Variants in COL4A6 observed in about 807,000 individuals in gnomAD.
COL4A6 encodes collagen alpha-6(IV) chain.
COL4A6 carries 59 observed loss-of-function variants against 126.7 expected under a neutral mutation model. That is an observed-to-expected ratio of 0.47 (90% CI 0.38 to 0.58). The LOEUF is 0.58. Among genes scored for constraint, COL4A6 ranks in the 20% least tolerant of loss-of-function variants. The pLI is 0.00. For missense variants in COL4A6, 1,285 were observed against 1,337.3 expected (o/e 0.96, Z 0.61); for synonymous variants, 547 against 496.6 (o/e 1.10, Z -1.35).
At chrX:108,343,157 ATATATATAGTGTGT>A (rs2039614475) in intron 2 of COL4A6, among the ~76,000 whole-genome samples, 1 of 73,870 alleles carries the variant, frequency 1.4e-5, no homozygotes, top group Non-Finnish European at 2.5e-5. Context: ...ATATATATAT[ATATATATAGTGTGT>A]GTGTGTGTGT....
At chrX:108,241,993 G>GTTT (rs754002626) in intron 3 of COL4A6, among the ~76,000 whole-genome samples, 3 of 85,882 alleles carry the variant, frequency 3.5e-5, no homozygotes, top group African/African-American at 8.2e-5. Context: ...GATTTCACCA[G>GTTT]TTTTTTTTTT....
intron 2 of COL4A6, among the ~76,000 whole-genome samples, chrX:108,314,307 A>T (rs982832735): frequency 2.7e-5 from 3 of 112,057 alleles, no homozygotes; most frequent in Non-Finnish European, 5.6e-5. Flanking sequence ...ACTGAAGAAG[A>T]TTATTTTGGC....
rs775816721 is a variant in COL4A6, at chrX:108,438,224, C to T, written c.-28G>A. On this transcript the variant is annotated 5_prime_UTR_variant, in exon 1 of 45. Transcript: ENST00000334504. ...TTGCGGCTCCTCCGGAGCTGGGTCC[C>T]GGGAGACTGCTAAGCGGCTCCGCGG... The T allele has an allele frequency of 4.5e-5, 53 of 1,177,428 alleles. 1 individual carries two copies. In the South Asian group the frequency reaches 9.7e-4, roughly 22 times the overall value.
chrX:108,406,545 A>T (rs770381736), intron 2 of COL4A6, among the ~76,000 whole-genome samples: 1 of 90,549 alleles, frequency 1.1e-5, no homozygotes, highest in East Asian at 2.8e-4. Context: ...CTGGCACTTC[A>T]TGCCTCTCTA....
At chrX:108,227,970 A>T (rs1323332487) in intron 3 of COL4A6, among the ~76,000 whole-genome samples, 1 of 112,336 alleles carries the variant, frequency 8.9e-6, no homozygotes, top group Non-Finnish European at 1.9e-5. Context: ...CTGATCACAG[A>T]ATCACTGAAA....
At chrX:108,386,795 C>T (rs1443355697) in intron 2 of COL4A6, among the ~76,000 whole-genome samples, 1 of 111,865 alleles carries the variant, frequency 8.9e-6, no homozygotes, top group Non-Finnish European at 1.9e-5. Flanking sequence ...TTGCCCATGC[C>T]TATGCTCTGA....
At chrX:108,211,650 T>C (rs1452725401) in intron 7 of COL4A6, 22 bp downstream of exon 7, 2 of 1,201,077 alleles carry the variant, frequency 1.7e-6, no homozygotes, top group Non-Finnish European at 2.3e-6. Context: ...CCTACTCAGC[T>C]ATCTGACTTA....
intron 13 of COL4A6, among the ~76,000 whole-genome samples, chrX:108,198,106 T>G (rs755578906): frequency 1.8e-5 from 2 of 111,681 alleles, no homozygotes; most frequent in East Asian, 5.7e-4. Context: ...ACTCTTAAAG[T>G]GCAAAGAATG....
intron 42 of COL4A6, 74 bp downstream of exon 42, chrX:108,161,545 A>T: frequency 3.2e-6 from 2 of 617,183 alleles, no homozygotes; most frequent in Non-Finnish European, 5.1e-6. Context: ...TTGAAGTTTT[A>T]CTCACCCCCA....
intron 2 of COL4A6, among the ~76,000 whole-genome samples, chrX:108,324,615 G>C (rs2039107998): frequency 8.9e-6 from 1 of 111,887 alleles, no homozygotes; most frequent in Non-Finnish European, 1.9e-5. Context: ...ATTAGTATAT[G>C]TTCCATGCAA....
rs142984821 is a variant in COL4A6 at position 108,262,880 on chromosome X, T to C, written c.145-41506A>G. Reference sequence around the variant, plus strand: ...CTTAAGACCATCAGTTGTCCTACATTTCATTTGATTATTTTTTTAAAAATA... The same window carrying C: ...CTTAAGACCATCAGTTGTCCTACATCTCATTTGATTATTTTTTTAAAAATA... On this transcript the variant is annotated intron_variant, in intron 3 of 44. Transcript: ENST00000334504. Among the ~76,000 whole-genome samples, 351 of 111,638 alleles carry C rather than the reference T, an allele frequency of 3.1e-3. 5 individuals are homozygous for C. The highest frequency in any genetic ancestry group is 0.01 in the African/African-American group (316 of 30,810).
At chrX:108,344,109 T>A (rs919485851) in intron 2 of COL4A6, among the ~76,000 whole-genome samples, 2 of 111,470 alleles carry the variant, frequency 1.8e-5, no homozygotes, top group Non-Finnish European at 3.8e-5. Flanking sequence ...TTTCAAAAAG[T>A]AATGTTTCTC....
intron 2 of COL4A6, among the ~76,000 whole-genome samples, chrX:108,401,535 A>C (rs1156394452): frequency 9.0e-6 from 1 of 111,022 alleles, no homozygotes; most frequent in African/African-American, 3.3e-5. Context: ...ATATACACAT[A>C]CATAAAATCT....
At chrX:108,162,832 C>A (rs895086604) in intron 41 of COL4A6, 60 bp downstream of exon 41, 4 of 1,081,524 alleles carry the variant, frequency 3.7e-6, no homozygotes, top group Non-Finnish European at 3.6e-6. Flanking sequence ...TCCAAGCCAG[C>A]CTCTCAGCCA....
At chrX:108,391,917 A>G (rs974521648) in intron 2 of COL4A6, among the ~76,000 whole-genome samples, 28 of 112,216 alleles carry the variant, frequency 2.5e-4, no homozygotes, top group African/African-American at 6.5e-4. Context: ...TTCTGCATCA[A>G]TCTTGCTAGG....
intron 2 of COL4A6, among the ~76,000 whole-genome samples, chrX:108,343,785 G>T: frequency 9.8e-6 from 1 of 101,783 alleles, no homozygotes. Context: ...GCTATTTTTG[G>T]CTGCAAAGGC....
intron 3 of COL4A6, among the ~76,000 whole-genome samples, chrX:108,272,745 G>A (rs780525726): frequency 2.2e-4 from 24 of 107,750 alleles, no homozygotes; most frequent in Middle Eastern, 4.7e-3. Context: ...ACTTTAATTC[G>A]AGATAGCACT....
In COL4A6 at chrX:108,156,907, G is replaced by T; in HGVS notation, c.*93C>A. 2.2e-6 allele frequency: 2 copies of T among 921,577 alleles called. No individual in the cohort carries two copies. The highest frequency in any genetic ancestry group is 3.1e-5 in the East Asian group (1 of 32,348). The allele number at this position is 921,577 out of a possible 1,213,427, so 75.9% of individuals were successfully genotyped here. On this transcript the variant is annotated 3_prime_UTR_variant, in exon 45 of 45. Transcript: ENST00000334504. ...CAATGTACAACTTGACAGGCAAAGG[G>T]GCTCAGGCCTTCCTTCTTCAGACCA...
chrX:108,415,260 A>G (rs896967582), intron 2 of COL4A6, among the ~76,000 whole-genome samples: 2 of 111,656 alleles, frequency 1.8e-5, no homozygotes, highest in Non-Finnish European at 3.8e-5. Flanking sequence ...CTCCGAAAAA[A>G]CTTTCCTGTT....
Sources: gnomAD v4.1 joint callset for allele counts (sites outside exome capture counted in the v4.1 genomes callset) on GRCh38, gnomAD v4.1.1 for gene constraint, MANE v1.5 for transcripts, NCBI Gene and HGNC (gene_info 2026-07-23, HGNC 2026-07-21) for gene names.